Variants in PARP4 observed in about 807,000 individuals in gnomAD.
The protein encoded by PARP4 is poly(ADP-ribose) polymerase family member 4.
PARP4 carries 120 observed loss-of-function variants against 187.7 expected under a neutral mutation model. The observed-to-expected ratio is 0.64, with a 90% confidence interval of 0.55 to 0.74. The LOEUF is 0.74. Among genes scored for constraint, PARP4 ranks in the 30% least tolerant of loss-of-function variants. The pLI is 0.00. For missense variants in PARP4, 1,836 were observed against 2,070.5 expected (o/e 0.89, Z 2.20); for synonymous variants, 654 against 740.9 (o/e 0.88, Z 1.90).
chr13:24,500,057 A>T (rs1381854523), intron 4 of PARP4, among the ~76,000 whole-genome samples: 1 of 120,976 alleles, frequency 8.3e-6, no homozygotes, highest in Non-Finnish European at 1.9e-5. Context: ...TAAAAGAATT[A>T]AAAAAAAAAC....
chr13:24,459,459 G>GA, intron 18 of PARP4, 149 bp from the exon 19 acceptor site: 1 of 667,564 alleles, frequency 1.5e-6, no homozygotes, highest in East Asian at 3.0e-5. Flanking sequence ...TTTGCTCATG[G>GA]AATGACAGGA....
intron 6 of PARP4, among the ~76,000 whole-genome samples, chr13:24,495,318 A>G (rs1039731145): frequency 6.6e-6 from 1 of 152,046 alleles, no homozygotes; most frequent in African/African-American, 2.4e-5. Context: ...CTCCTTACAA[A>G]CCAGTCTAAC....
intron 18 of PARP4, chr13:24,459,535 A>C: frequency 2.9e-6 from 1 of 339,954 alleles, no homozygotes. Flanking sequence ...GTGTGTATAC[A>C]CACACACACA....
intron 3 of PARP4, among the ~76,000 whole-genome samples, chr13:24,501,214 A>T (rs757920162): frequency 4.6e-5 from 7 of 152,214 alleles, no homozygotes; most frequent in Non-Finnish European, 1.0e-4. Context: ...CAGTTTCCAA[A>T]ATAAAATCTT....
At chr13:24,512,514 G>C (rs1030797126) in intron 1 of PARP4, among the ~76,000 whole-genome samples, 192 bp downstream of exon 1, 10 of 152,140 alleles carry the variant, frequency 6.6e-5, no homozygotes, top group African/African-American at 2.4e-4. Context: ...CGGAACGACC[G>C]CAATATCCCT....
chr13:24,479,088 T>C (rs1423347841), intron 12 of PARP4, among the ~76,000 whole-genome samples: 7 of 152,320 alleles, frequency 4.6e-5, no homozygotes, highest in Admixed American at 1.3e-4. Flanking sequence ...AGAAATGTTG[T>C]TTTATCTTTC....
chr13:24,478,218 A>C lies in PARP4; in HGVS notation c.1507T>G (p.Cys503Gly). 1 of 1,613,604 alleles carries C rather than the reference A, an allele frequency of 6.2e-7. No homozygotes were observed. The highest frequency in any genetic ancestry group is 8.5e-7 in the Non-Finnish European group (1 of 1,179,710). The change falls in exon 13 of 34, where the codon TGT becomes GGT. Residue 503 changes from cysteine (C) to glycine (G), a missense_variant. Cys to Gly is a radical substitution (Grantham distance 159). Around this residue, in one of 8 missense-constraint regions of PARP4, gnomAD observed 1,147 missense variants for 1,214.2 expected, o/e 0.94. Coordinates refer to ENST00000381989, the MANE Select transcript of PARP4 (RefSeq NM_006437.4). Reference protein sequence around the residue: ...ETDGTRLLLICDVALGKCMDL... With the variant: ...ETDGTRLLLIGDVALGKCMDL... ...ATACACTTTCCGAGGGCTACGTCAC[A>C]AATGAGCAGGAGTCTGGTGCCATCT...
chr13:24,442,125 T>TGGACC (rs977530572), intron 29 of PARP4, among the ~76,000 whole-genome samples, 157 bp from the exon 30 acceptor site: 5 of 150,198 alleles, frequency 3.3e-5, no homozygotes, highest in Non-Finnish European at 7.4e-5. Flanking sequence ...AGTGGGGAGG[T>TGGACC]GGAGTGGCTT....
chr13:24,473,292 T>G (rs1356565334), intron 15 of PARP4, among the ~76,000 whole-genome samples: 3 of 152,152 alleles, frequency 2.0e-5, no homozygotes, highest in East Asian at 3.8e-4. Flanking sequence ...GGGAGAACAG[T>G]AGAATTCATC....
At chr13:24,432,675 T>C (rs1201775863) in intron 31 of PARP4, among the ~76,000 whole-genome samples, 1 of 152,112 alleles carries the variant, frequency 6.6e-6, no homozygotes, top group Admixed American at 6.5e-5. Context: ...TGGTTTAACA[T>C]AAAAATGTAC....
rs1418225744 is a variant in PARP4, at chr13:24,505,456, G to T, written c.-1-1679C>A. Among the ~76,000 whole-genome samples the T allele has an allele frequency of 5.9e-5, 9 of 152,148 alleles. No homozygotes were observed. The East Asian group carries it at 1.4e-3, about 23-fold the overall frequency. The stretch of plus-strand genomic sequence containing the variant: ...TGGTGTTCCTTGGACGTTTGCCCAA[G>T]AAGTCATGAGAGGGAAGTTTCTTCA... On this transcript the variant is annotated intron_variant, in intron 1 of 33. Coordinates refer to ENST00000381989, the MANE Select transcript of PARP4 (RefSeq NM_006437.4).
chr13:24,483,792 A>G (rs1196637528), intron 12 of PARP4, among the ~76,000 whole-genome samples: 1 of 151,944 alleles, frequency 6.6e-6, no homozygotes, highest in East Asian at 2.0e-4. Flanking sequence ...ACGCCCAGCT[A>G]ATTTTTGTAT....
chr13:24,443,012 C>T (rs1461290449), intron 28 of PARP4, among the ~76,000 whole-genome samples: 2 of 151,704 alleles, frequency 1.3e-5, no homozygotes, highest in African/African-American at 4.8e-5. Context: ...CAAAACAGCA[C>T]ACAGAGGCTG....
intron 30 of PARP4, among the ~76,000 whole-genome samples, chr13:24,440,510 C>T (rs1355765545): frequency 2.0e-5 from 3 of 151,710 alleles, no homozygotes; most frequent in Admixed American, 1.3e-4. Context: ...CAACAGTGCC[C>T]GTTTCAGACA....
intron 6 of PARP4, among the ~76,000 whole-genome samples, chr13:24,496,546 A>G (rs1301031505): frequency 6.6e-6 from 1 of 152,180 alleles, no homozygotes; most frequent in African/African-American, 2.4e-5. Context: ...CAATGCTACA[A>G]GAGCTATGGG....
chr13:24,441,731 G>C, intron 30 of PARP4, 115 bp downstream of exon 30: 1 of 879,264 alleles, frequency 1.1e-6, no homozygotes, highest in Non-Finnish European at 1.8e-6. Flanking sequence ...TCCATCATCA[G>C]GGATACAACT....
At chr13:24,460,223 G>T in intron 17 of PARP4, 87 bp from the exon 18 acceptor site, 2 of 1,133,652 alleles carry the variant, frequency 1.8e-6, no homozygotes, top group South Asian at 1.5e-5. Flanking sequence ...TAAGCAACTT[G>T]AATGACAACC....
intron 1 of PARP4, among the ~76,000 whole-genome samples, chr13:24,510,571 A>AAAAAG (rs1869961212): frequency 6.7e-6 from 1 of 150,188 alleles, no homozygotes; most frequent in African/African-American, 2.4e-5. Context: ...AAAAAAAAAA[A>AAAAAG]GTGTTCACTA....
chr13:24,457,441 G>A (rs1307731038), intron 20 of PARP4, among the ~76,000 whole-genome samples: 1 of 152,140 alleles, frequency 6.6e-6, no homozygotes, highest in East Asian at 1.9e-4. Flanking sequence ...CGTGAAAAGT[G>A]TCCATGCAAC....
Sources: gnomAD v4.1 joint callset for allele counts (sites outside exome capture counted in the v4.1 genomes callset) on GRCh38, gnomAD v4.1.1 for gene constraint, gnomAD v4.1.1 regional missense constraint, MANE v1.5 for transcripts, NCBI Gene and HGNC (gene_info 2026-07-23, HGNC 2026-07-21) for gene names.